Variants in ZNF681 observed in about 807,000 individuals in gnomAD.
ZNF681 encodes the protein hypothetical protein FLJ31526.
A neutral mutation model predicts 56.0 loss-of-function variants in ZNF681; 37 were observed. That is an observed-to-expected ratio of 0.66 (90% CI 0.51 to 0.87). The LOEUF (loss-of-function observed/expected upper bound fraction) is 0.87, where lower values mean the gene tolerates loss of function less well. Ranked by LOEUF, ZNF681 falls within the 40% of genes least tolerant of loss-of-function variation. The probability of loss-of-function intolerance (pLI) is 0.00; values close to 1 mark genes in which losing one functional copy is unlikely to be tolerated. For synonymous variants in ZNF681, 225 were observed against 248.6 expected, an observed-to-expected ratio of 0.91 and a Z score of 0.89; for missense variants, 741 against 744.9, an observed-to-expected ratio of 0.99 and a Z score of 0.06.
At chr19:23,750,910 G>C (rs1027607606) in intron 3 of ZNF681, among the ~76,000 whole-genome samples, 2 of 150,802 alleles carry the variant, frequency 1.3e-5, no homozygotes, top group Non-Finnish European at 2.9e-5. Context: ...GATCATCTGA[G>C]GTTGAAGGTT....
At position 23,754,969 on chromosome 19, in the gene ZNF681, C is replaced by G. The variant is rs1022156502; in HGVS notation, c.131-51G>C. 5.6e-5 allele frequency: 79 copies of G among 1,418,998 alleles called. 2 individuals carry two copies. Among genetic ancestry groups the G allele is most frequent in the Middle Eastern group, 1.8e-4 (1 of 5,638 alleles). 87.9% of individuals were successfully genotyped at this position (1,418,998 alleles called of 1,614,324 possible). A position where few individuals can be genotyped will look rare whatever the true frequency, so the allele number is the denominator to read the frequency against. ...AAATCTTGCTTATATTGTCTAATCA[C>G]CAACATGGCAATGTAGTCAGTAAAG... On this transcript the variant is annotated intron_variant, in intron 2 of 3. Coordinates refer to ENST00000402377, the MANE Select transcript of ZNF681 (RefSeq NM_138286.3).
intron 3 of ZNF681, among the ~76,000 whole-genome samples, chr19:23,745,807 A>G (rs1316277018): frequency 6.6e-6 from 1 of 152,128 alleles, no homozygotes; most frequent in Non-Finnish European, 1.5e-5. Context: ...ATTGACCAAA[A>G]TACATTTGTG....
Position 23,743,689 on chromosome 19 carries a change from T to C in ZNF681, c.1861A>G (p.Lys621Glu), listed in dbSNP as rs1968897957. ...IHTGEKLYKP[K>E]RCNSDFENTS... ...TTTTCAAAATCACTGTTACATCTTT[T>C]AGGTTTGTAGAGTTTCTCACCAGTA... The change falls in exon 4 of 4, where the codon AAA becomes GAA. Residue 621 changes from lysine to glutamate, a missense_variant. Physicochemically the swap from Lys to Glu is moderately conservative, Grantham distance 56. Transcript: ENST00000402377. 7.5e-6 allele frequency: 12 copies of C among 1,602,832 alleles called. No homozygotes were observed. The highest frequency in any genetic ancestry group is 3.5e-5 in the Admixed American group (2 of 57,722).
intron 3 of ZNF681, among the ~76,000 whole-genome samples, chr19:23,750,701 G>A (rs1341990723): frequency 1.3e-5 from 2 of 150,938 alleles, no homozygotes. Flanking sequence ...AATTAGCCAG[G>A]CCTGGTGGCA....
rs1186295634 is a variant in ZNF681, at chr19:23,741,921, T to G, written c.*1691A>C. On this transcript the variant is annotated 3_prime_UTR_variant, in exon 4 of 4. Coordinates refer to ENST00000402377, the MANE Select transcript of ZNF681 (RefSeq NM_138286.3). ...ATAAGTTTAAATAAGAAAAAATGAG[T>G]AATAATTCAACCTACAGGAATAATA... The G allele has an allele frequency of 1.3e-5, 2 of 151,928 alleles. No individual in the cohort carries two copies. Among genetic ancestry groups the G allele is most frequent in the African/African-American group, 4.8e-5 (2 of 41,342 alleles). 9.4% of individuals were successfully genotyped at this position (151,928 alleles called of 1,614,324 possible). A position where few individuals can be genotyped will look rare whatever the true frequency, so the allele number is the denominator to read the frequency against.
chr19:23,751,252 G>A (rs895485955), intron 3 of ZNF681, among the ~76,000 whole-genome samples: 3 of 151,822 alleles, frequency 2.0e-5, no homozygotes, highest in African/African-American at 2.4e-5. Context: ...TGAGGCAGGC[G>A]GATCACCTGA....
At chr19:23,758,667 T>C (rs1969164284) in intron 1 of ZNF681, 80 bp downstream of exon 1, 1 of 1,610,834 alleles carries the variant, frequency 6.2e-7, no homozygotes, top group Non-Finnish European at 8.5e-7. Flanking sequence ...GGGCGCAAAT[T>C]GTGGAGCTGA....
At chr19:23,754,766 T>C in intron 3 of ZNF681, 57 bp downstream of exon 3, 7 of 1,389,200 alleles carry the variant, frequency 5.0e-6, no homozygotes, top group Non-Finnish European at 7.1e-6. Context: ...GCTTTTTCTT[T>C]GACCTTTGAA....
rs901009041 is a variant in ZNF681, at chr19:23,744,345, G to C, written c.1205C>G (p.Ala402Gly). The C allele has an allele frequency of 6.2e-7, 1 of 1,613,710 alleles. No individual in the cohort carries two copies. Among genetic ancestry groups the C allele is most frequent in the East Asian group, 2.2e-5 (1 of 44,870 alleles). ...AGTAAGGTGTGAGGACTTGTTAAAA[G>C]CTTTGCCACATTCTTCACATTTGTA... is the stretch of plus-strand genomic sequence containing the variant. ...KPYKCEECGKAFNKSSHLTRH... is the reference protein window; with the variant it reads ...KPYKCEECGKGFNKSSHLTRH... Residue 402 changes from alanine (A) to glycine (G), a missense_variant, in exon 4 of 4, where the codon GCT becomes GGT. Ala to Gly is a moderately conservative substitution (Grantham distance 60). Transcript: ENST00000402377.
In ZNF681 at chr19:23,744,417, G is replaced by A. The variant is rs756592029; in HGVS notation, c.1133C>T (p.Ser378Phe). 1.9e-6 allele frequency: 3 copies of A among 1,582,582 alleles called. No individual in the cohort carries two copies. Among genetic ancestry groups the A allele is most frequent in the Admixed American group, 1.7e-5 (1 of 57,520 alleles). The change falls in exon 4 of 4, where the codon TCC becomes TTC. Residue 378 changes from serine (S) to phenylalanine (F), a missense_variant. Physicochemically the swap from Ser to Phe is radical, Grantham distance 155. Transcript: ENST00000402377. ...TATCTTATGTGTAGTAAGGTGTGAG[G>A]ACTGCCTAAAGGCTTTGCCACATTC... ...CEECGKAFRQ[S>F]SHLTTHKIIH...
At position 23,743,533 on chromosome 19, in the gene ZNF681, GGTTT is replaced by G; in HGVS notation, c.*75_*78del. The G allele has an allele frequency of 5.3e-6, 7 of 1,310,986 alleles. No individual in the cohort carries two copies. Among genetic ancestry groups the G allele is most frequent in the Admixed American group, 3.1e-5 (1 of 31,962 alleles). The allele number at this position is 1,310,986 out of a possible 1,614,324, so 81.2% of individuals were successfully genotyped here. A position where few individuals can be genotyped will look rare whatever the true frequency, so the allele number is the denominator to read the frequency against. ...TTTTGCCACATTCTTCACACTTGTA[GGTTT>G]TTTTTTAGTATGAATTATCTTATGC... On this transcript the variant is annotated 3_prime_UTR_variant, in exon 4 of 4. Coordinates refer to ENST00000402377, the MANE Select transcript of ZNF681 (RefSeq NM_138286.3).
At chr19:23,755,934 G>A (rs1969110557) in intron 1 of ZNF681, among the ~76,000 whole-genome samples, 1 of 152,152 alleles carries the variant, frequency 6.6e-6, no homozygotes, top group African/African-American at 2.4e-5. Flanking sequence ...GGAAGACAGT[G>A]TGGTGATTCC....
intron 3 of ZNF681, among the ~76,000 whole-genome samples, chr19:23,746,667 G>A (rs766482670): frequency 2.6e-5 from 4 of 152,206 alleles, no homozygotes; most frequent in East Asian, 1.9e-4. Context: ...TGAGGACTGC[G>A]TTGCAGCATG....
chr19:23,745,023 C>T lies in ZNF681; in HGVS notation c.527G>A (p.Gly176Asp). Residue 176 changes from glycine to aspartate, a missense_variant, in exon 4 of 4, where the codon GGC (glycine) becomes GAC (aspartate). Gly to Asp is a moderately conservative substitution (Grantham distance 94). Coordinates refer to ENST00000402377, the MANE Select transcript of ZNF681 (RefSeq NM_138286.3). ...RKKPFKYKEF[G>D]KSFCIFSNLT... is the part of the protein sequence containing the mutation. ...GTTTGAAAATATGCAAAATGATTTG[C>T]CAAATTCTTTATATTTAAAAGGTTT... The T allele has an allele frequency of 6.3e-7, 1 of 1,594,204 alleles. No homozygotes were observed. Among genetic ancestry groups the T allele is most frequent in the Non-Finnish European group, 8.6e-7 (1 of 1,168,806 alleles).
At chr19:23,757,769 T>G (rs1048541666) in intron 1 of ZNF681, among the ~76,000 whole-genome samples, 1 of 152,030 alleles carries the variant, frequency 6.6e-6, no homozygotes, top group Non-Finnish European at 1.5e-5. Flanking sequence ...TGAGCAGAAC[T>G]GGGGCAGGGA....
Position 23,758,884 on chromosome 19 carries a change from G to C in ZNF681, c.-135C>G. On this transcript the variant is annotated 5_prime_UTR_variant, in exon 1 of 4. Coordinates refer to ENST00000402377, the MANE Select transcript of ZNF681 (RefSeq NM_138286.3). Reference sequence around the variant, plus strand: ...ACGAGACCCGGAGCTCGGGCTGAAGGGAGAGACAAAGGCCCCGCCAATCCC... The same window carrying C: ...ACGAGACCCGGAGCTCGGGCTGAAGCGAGAGACAAAGGCCCCGCCAATCCC... 7.8e-7 allele frequency: 1 copy of C among 1,288,364 alleles called. No homozygotes were observed. Among genetic ancestry groups the C allele is most frequent in the Non-Finnish European group, 1.1e-6 (1 of 917,328 alleles). The allele number at this position is 1,288,364 out of a possible 1,614,324, so 79.8% of individuals were successfully genotyped here.
Position 23,742,090 on chromosome 19 carries a change from A to C in ZNF681, c.*1522T>G, listed in dbSNP as rs191702256. 1.3e-5 allele frequency: 2 copies of C among 152,194 alleles called. No homozygotes were observed. The highest frequency in any genetic ancestry group is 2.9e-5 in the Non-Finnish European group (2 of 68,040). 9.4% of individuals were successfully genotyped at this position (152,194 alleles called of 1,614,324 possible). ...GGGATAAGTTAAATTTAATGGCATA[A>C]TAATGCTTCATTGAATGCACGATGG... is the stretch of plus-strand genomic sequence containing the variant. On this transcript the variant is annotated 3_prime_UTR_variant, in exon 4 of 4. Coordinates refer to ENST00000402377, the MANE Select transcript of ZNF681 (RefSeq NM_138286.3).
At chr19:23,758,704 A>C in intron 1 of ZNF681, 43 bp downstream of exon 1, 2 of 1,614,156 alleles carry the variant, frequency 1.2e-6, no homozygotes, top group East Asian at 4.5e-5. Flanking sequence ...GTCCCGCCAC[A>C]GCCCCTTCCC....
chr19:23,744,308 G>A lies in ZNF681; in HGVS notation c.1242C>T (p.Ser414=). 1 of 1,594,500 alleles carries A rather than the reference G, an allele frequency of 6.3e-7. No homozygotes were observed. Among genetic ancestry groups the A allele is most frequent in the Non-Finnish European group, 8.5e-7 (1 of 1,171,000 alleles). Residue 414 remains serine, a synonymous_variant, in exon 4 of 4, where the codon AGC becomes AGT. Transcript: ENST00000402377. The part of the protein sequence containing the change: ...NKSSHLTRHK[S]IHTGEKPYQC... ...GGTAGGGTTTTTCTCCAGTATGAATGCTCTTATGTCTAGTAAGGTGTGAGG... is the reference window on the plus strand; with the variant it reads ...GGTAGGGTTTTTCTCCAGTATGAATACTCTTATGTCTAGTAAGGTGTGAGG...
Sources: gnomAD v4.1 joint callset for allele counts (sites outside exome capture counted in the v4.1 genomes callset) on GRCh38, gnomAD v4.1.1 for gene constraint, MANE v1.5 for transcripts, NCBI Gene and HGNC (gene_info 2026-07-23, HGNC 2026-07-21) for gene names.